The following ATP8A1 variants were observed in gnomAD, a reference collection of about 807,000 sequenced individuals.
The protein encoded by ATP8A1 is ATPase phospholipid transporting 8A1.
In ATP8A1, 90 loss-of-function variants were observed where a neutral mutation model predicts 177.7. That is an observed-to-expected ratio of 0.51 (90% confidence interval 0.43 to 0.60). The LOEUF is 0.60. Among genes scored for constraint, ATP8A1 ranks in the 20% least tolerant of loss-of-function variants. The pLI is 0.00. For missense variants in ATP8A1, 1,072 were observed against 1,392.8 expected (o/e 0.77, Z 3.67); for synonymous variants, 493 against 485.9 (o/e 1.01, Z -0.19).
chr4:42,500,586 GA>G (rs140376642), intron 24 of ATP8A1, among the ~76,000 whole-genome samples: 25 of 149,696 alleles, frequency 1.7e-4, no homozygotes, highest in Non-Finnish European at 3.4e-4. Context: ...TTTCTAAAAA[GA>G]AAAAAAAAAT....
chr4:42,592,016 A>G (rs1734230103), intron 6 of ATP8A1, among the ~76,000 whole-genome samples: 1 of 152,164 alleles, frequency 6.6e-6, no homozygotes, highest in Admixed American at 6.5e-5. Flanking sequence ...CAGTTAAATG[A>G]TTAAACAACT....
intron 16 of ATP8A1, among the ~76,000 whole-genome samples, chr4:42,554,636 T>C (rs868454414): frequency 1.4e-4 from 22 of 152,140 alleles, no homozygotes; most frequent in African/African-American, 4.1e-4. Context: ...TGGGACATAC[T>C]GGGTTTGAAG....
intron 1 of ATP8A1, among the ~76,000 whole-genome samples, chr4:42,632,306 C>G (rs1738823364): frequency 6.6e-6 from 1 of 152,104 alleles, no homozygotes; most frequent in Non-Finnish European, 1.5e-5. Context: ...AAGGAAAAGA[C>G]TTTTCCTTAT....
intron 1 of ATP8A1, among the ~76,000 whole-genome samples, chr4:42,650,768 TTGTG>T (rs1419120319): frequency 1.3e-5 from 2 of 152,190 alleles, no homozygotes; most frequent in African/African-American, 4.8e-5. Flanking sequence ...TGTGAAGTTT[TTGTG>T]TGTGTGCATT....
intron 1 of ATP8A1, among the ~76,000 whole-genome samples, chr4:42,651,242 A>G (rs1032238433): frequency 1.3e-5 from 2 of 152,162 alleles, no homozygotes; most frequent in Admixed American, 6.5e-5. Flanking sequence ...CGTCTTCATC[A>G]GGAGCATGAA....
intron 15 of ATP8A1, among the ~76,000 whole-genome samples, chr4:42,563,051 G>C (rs984671529): frequency 6.6e-6 from 1 of 152,176 alleles, no homozygotes; most frequent in Non-Finnish European, 1.5e-5. Context: ...TTTGGAATTG[G>C]GTAATAGGCA....
intron 1 of ATP8A1, among the ~76,000 whole-genome samples, chr4:42,647,978 T>C (rs1298945392): frequency 2.0e-5 from 3 of 152,170 alleles, no homozygotes; most frequent in Non-Finnish European, 4.4e-5. Context: ...CTTTAAGACA[T>C]ACAATATAAT....
At chr4:42,600,599 G>A (rs950852113) in intron 5 of ATP8A1, 81 bp from the exon 6 acceptor site, 51 of 1,298,340 alleles carry the variant, frequency 3.9e-5, no homozygotes, top group Non-Finnish European at 5.4e-5. Context: ...AATTTTAAAC[G>A]AATAGCTTCA....
intron 35 of ATP8A1, among the ~76,000 whole-genome samples, chr4:42,419,456 T>C (rs1422265905): frequency 6.6e-6 from 1 of 152,128 alleles, no homozygotes; most frequent in Admixed American, 6.5e-5. Context: ...CAGAGTATAA[T>C]AGTACAGAGA....
chr4:42,543,901 A>G lies in ATP8A1; in HGVS notation c.1722+16T>C, dbSNP rs767466346. 1 of 1,579,482 alleles carries G rather than the reference A, an allele frequency of 6.3e-7. No individual in the cohort carries two copies. The highest frequency in any genetic ancestry group is 8.6e-7 in the Non-Finnish European group (1 of 1,156,798). The stretch of plus-strand genomic sequence containing the variant: ...ATCATAAATTATAACTGTAAAAAAT[A>G]AAAATAAAAACTTACAGCTCCTTTG... On this transcript the variant is annotated intron_variant, in intron 20 of 36. Coordinates refer to ENST00000381668, the MANE Select transcript of ATP8A1 (RefSeq NM_006095.2).
chr4:42,420,823 C>T (rs1035662147), intron 35 of ATP8A1, among the ~76,000 whole-genome samples: 4 of 147,928 alleles, frequency 2.7e-5, no homozygotes, highest in African/African-American at 7.5e-5. Flanking sequence ...GGCTGGAGTG[C>T]AGTGGCATGA....
At chr4:42,480,752 C>T (rs542534056) in intron 25 of ATP8A1, among the ~76,000 whole-genome samples, 1 of 152,300 alleles carries the variant, frequency 6.6e-6, no homozygotes, top group South Asian at 2.1e-4. Context: ...TGGAATGCCA[C>T]TCCCAAATGA....
At position 42,626,835 on chromosome 4, in the gene ATP8A1, CTA is replaced by C. The variant is rs1738153604; in HGVS notation, c.164+158_164+159del. On this transcript the variant is annotated intron_variant, in intron 2 of 36. Coordinates refer to ENST00000381668, the MANE Select transcript of ATP8A1 (RefSeq NM_006095.2). ...TTTCCAGATTCTTATGAATATTTCT[CTA>C]TGGGAGAGAAGATGGGGAAACAGCC... 3 of 648,414 alleles carry C rather than the reference CTA, an allele frequency of 4.6e-6. No individual in the cohort carries two copies. In the African/African-American group the frequency reaches 5.5e-5, roughly 12 times the overall value. The allele number at this position is 648,414 out of a possible 1,614,324, so 40.2% of individuals were successfully genotyped here.
intron 25 of ATP8A1, among the ~76,000 whole-genome samples, chr4:42,479,268 C>T (rs1200267647): frequency 6.6e-6 from 1 of 152,180 alleles, no homozygotes; most frequent in African/African-American, 2.4e-5. Flanking sequence ...GCATGGCCTG[C>T]AAAGCCTACA....
intron 25 of ATP8A1, among the ~76,000 whole-genome samples, chr4:42,482,343 AAAAG>A (rs1396788255): frequency 3.6e-4 from 54 of 151,966 alleles, no homozygotes; most frequent in African/African-American, 1.1e-3. Flanking sequence ...ACAAAAAAAA[AAAAG>A]AAAAGAAAAT....
chr4:42,613,624 C>A (rs1736595815), intron 5 of ATP8A1, among the ~76,000 whole-genome samples: 1 of 151,984 alleles, frequency 6.6e-6, no homozygotes, highest in Non-Finnish European at 1.5e-5. Flanking sequence ...CTCTCTGTCA[C>A]CCAGGCTGGA....
chr4:42,486,570 A>G (rs75892059), intron 24 of ATP8A1, among the ~76,000 whole-genome samples: 2,272 of 152,266 alleles, frequency 0.015, 26 homozygotes, highest in Non-Finnish European at 0.026. Flanking sequence ...CGGCAAACAT[A>G]TTTTCAGTAA....
chr4:42,480,051 G>T (rs1721514528), intron 25 of ATP8A1, among the ~76,000 whole-genome samples: 1 of 144,968 alleles, frequency 6.9e-6, no homozygotes, highest in South Asian at 2.2e-4. Context: ...GGTGGCAATG[G>T]TGATGATGGT....
chr4:42,633,912 G>C (rs75674435), intron 1 of ATP8A1, among the ~76,000 whole-genome samples: 1 of 152,090 alleles, frequency 6.6e-6, no homozygotes, highest in South Asian at 2.1e-4. Flanking sequence ...CCCAAAAGGG[G>C]GAATAGCAGG....
Sources: gnomAD v4.1 joint callset for allele counts (sites outside exome capture counted in the v4.1 genomes callset) on GRCh38, gnomAD v4.1.1 for gene constraint, MANE v1.5 for transcripts, NCBI Gene and HGNC (gene_info 2026-07-23, HGNC 2026-07-21) for gene names.